Variants in KAT6B observed in about 807,000 individuals in gnomAD.
The protein encoded by KAT6B is histone acetyltransferase KAT6B.
In KAT6B, 10 loss-of-function variants were observed where a neutral mutation model predicts 187.5. That is an observed-to-expected ratio of 0.05 (90% CI 0.03 to 0.09). The LOEUF is 0.09. KAT6B is among the 10% of genes least tolerant of loss of function. The pLI is 1.00. For synonymous variants in KAT6B, 861 were observed against 926.8 expected (o/e 0.93, Z 1.29); for missense variants, 1,952 against 2,558.9 (o/e 0.76, Z 5.12).
chr10:74,827,660 G>A (rs556386378), intron 1 of KAT6B, among the ~76,000 whole-genome samples: 1 of 152,172 alleles, frequency 6.6e-6, no homozygotes, highest in Admixed American at 6.5e-5. Context: ...AAATCTCCTG[G>A]GGACAAGGGA....
chr10:74,912,846 G>C (rs778683268), intron 3 of KAT6B, among the ~76,000 whole-genome samples: 2 of 152,170 alleles, frequency 1.3e-5, no homozygotes, highest in African/African-American at 4.8e-5. Flanking sequence ...GTGTCCCTGT[G>C]AATGTGTCAT....
chr10:74,896,545 C>A (rs993306481), intron 3 of KAT6B, among the ~76,000 whole-genome samples: 5 of 152,182 alleles, frequency 3.3e-5, no homozygotes, highest in African/African-American at 1.2e-4. Flanking sequence ...CTGCCTTGGC[C>A]TCCCAAAGTG....
At chr10:74,834,093 A>C (rs1047565440) in intron 1 of KAT6B, among the ~76,000 whole-genome samples, 1 of 152,116 alleles carries the variant, frequency 6.6e-6, no homozygotes. Flanking sequence ...GTGTATGTGC[A>C]TGCCCTTCCC....
chr10:74,866,196 C>G (rs1247439370), intron 3 of KAT6B, among the ~76,000 whole-genome samples: 1 of 151,074 alleles, frequency 6.6e-6, no homozygotes, highest in Non-Finnish European at 1.5e-5. Flanking sequence ...ATTAAGGGAA[C>G]TTAATGGCAT....
chr10:74,880,266 A>C (rs1327183330), intron 3 of KAT6B, among the ~76,000 whole-genome samples: 1 of 152,008 alleles, frequency 6.6e-6, no homozygotes, highest in Admixed American at 6.6e-5. Flanking sequence ...CCACTCATCT[A>C]TTTTCTGTCT....
chr10:74,998,198 C>G (rs896015532), intron 13 of KAT6B, among the ~76,000 whole-genome samples: 1 of 5,938 alleles, frequency 1.7e-4, no homozygotes, highest in African/African-American at 8.0e-4. Context: ...AAGCATTTCT[C>G]CTGCCTTGGC....
At chr10:74,976,543 C>A in intron 8 of KAT6B, 1 of 610,804 alleles carries the variant, frequency 1.6e-6, no homozygotes, top group Admixed American at 2.8e-5. Flanking sequence ...AATACTCTCC[C>A]ACCTTTTATT....
At chr10:75,012,418 G>A (rs1019794692) in intron 13 of KAT6B, among the ~76,000 whole-genome samples, 1 of 152,168 alleles carries the variant, frequency 6.6e-6, no homozygotes, top group Admixed American at 6.5e-5. Context: ...CTGCACTCCA[G>A]CCTGGGTGAT....
chr10:74,896,884 C>T (rs1010544346), intron 3 of KAT6B, among the ~76,000 whole-genome samples: 1 of 151,994 alleles, frequency 6.6e-6, no homozygotes, highest in African/African-American at 2.4e-5. Flanking sequence ...GTACTAATGC[C>T]CAAATTATCT....
chr10:74,950,907 G>A (rs1022550417), intron 3 of KAT6B, among the ~76,000 whole-genome samples: 15 of 151,896 alleles, frequency 9.9e-5, no homozygotes, highest in African/African-American at 1.9e-4. Flanking sequence ...GAGCCCAGGC[G>A]TTCGAGATCA....
chr10:74,963,491 C>A (rs1008528501), intron 4 of KAT6B, among the ~76,000 whole-genome samples: 3 of 152,108 alleles, frequency 2.0e-5, no homozygotes, highest in African/African-American at 7.2e-5. Flanking sequence ...TGCTGTGATG[C>A]AGCTGGGTGA....
intron 3 of KAT6B, among the ~76,000 whole-genome samples, chr10:74,904,619 G>A (rs1249691852): frequency 6.6e-6 from 1 of 152,102 alleles, no homozygotes; most frequent in African/African-American, 2.4e-5. Flanking sequence ...AGCATCCCTT[G>A]ATGACTGGCC....
At chr10:74,826,382 T>C (rs1348946339), upstream of KAT6B, among the ~76,000 whole-genome samples, 2 of 150,778 alleles carry the variant, frequency 1.3e-5, no homozygotes, top group Non-Finnish European at 2.9e-5. Flanking sequence ...CCCGGGGTGG[T>C]GCCGGAGGGG....
At chr10:74,942,235 T>A (rs1008438867) in intron 3 of KAT6B, among the ~76,000 whole-genome samples, 16 of 152,196 alleles carry the variant, frequency 1.1e-4, no homozygotes, top group African/African-American at 1.4e-4. Flanking sequence ...CAGATTTTTT[T>A]AATTAGCAAA....
intron 3 of KAT6B, among the ~76,000 whole-genome samples, chr10:74,851,884 GA>G (rs1842505291): frequency 6.6e-6 from 1 of 152,132 alleles, no homozygotes. Context: ...TTTATTTTTA[GA>G]TTTTCTTTTC....
chr10:74,915,671 T>G (rs1341689561), intron 3 of KAT6B, among the ~76,000 whole-genome samples: 1 of 152,220 alleles, frequency 6.6e-6, no homozygotes, highest in Non-Finnish European at 1.5e-5. Context: ...GAAAGAGTGC[T>G]TCCATCCTTC....
At chr10:74,929,122 A>G (rs990551030) in intron 3 of KAT6B, among the ~76,000 whole-genome samples, 2 of 152,208 alleles carry the variant, frequency 1.3e-5, no homozygotes, top group Non-Finnish European at 2.9e-5. Flanking sequence ...TATATCTGAC[A>G]TAGCTTCCAG....
intron 17 of KAT6B, among the ~76,000 whole-genome samples, chr10:75,027,166 G>T (rs1248030214): frequency 6.6e-6 from 1 of 152,104 alleles, no homozygotes; most frequent in African/African-American, 2.4e-5. Context: ...GGAATCCGGG[G>T]GCACTGGCAT....
At chr10:74,831,455 A>G (rs1254210265) in intron 1 of KAT6B, among the ~76,000 whole-genome samples, 1 of 152,212 alleles carries the variant, frequency 6.6e-6, no homozygotes, top group Non-Finnish European at 1.5e-5. Context: ...GACCTTAAAC[A>G]ATGTATAACT....
Sources: gnomAD v4.1 joint callset for allele counts (sites outside exome capture counted in the v4.1 genomes callset) on GRCh38, gnomAD v4.1.1 for gene constraint, MANE v1.5 for transcripts, NCBI Gene and HGNC (gene_info 2026-07-23, HGNC 2026-07-21) for gene names.